Variants in UBTD2 observed in about 807,000 individuals in gnomAD.
UBTD2 encodes ubiquitin domain containing 2.
UBTD2 carries 9 observed loss-of-function variants against 19.8 expected under a neutral mutation model. The ratio of observed to expected loss-of-function variants is 0.46; its 90% CI spans 0.27 to 0.79. The LOEUF is 0.79. UBTD2 is among the 30% of genes least tolerant of loss of function. The probability of loss-of-function intolerance (pLI) is 0.14; values close to 1 mark genes in which losing one functional copy is unlikely to be tolerated. For missense variants in UBTD2, 250 were observed against 300.4 expected, an observed-to-expected ratio of 0.83 and a Z score of 1.24; for synonymous variants, 98 against 103.9, an observed-to-expected ratio of 0.94 and a Z score of 0.35.
chr5:172,245,374 G>T (rs1478439507), intron 1 of UBTD2, among the ~76,000 whole-genome samples: 1 of 152,176 alleles, frequency 6.6e-6, no homozygotes, highest in African/African-American at 2.4e-5. Flanking sequence ...TTCTGTGTTT[G>T]AACTGACCCA....
At chr5:172,222,324 C>T (rs1407686554) in intron 2 of UBTD2, among the ~76,000 whole-genome samples, 1 of 152,168 alleles carries the variant, frequency 6.6e-6, no homozygotes. Context: ...CACACAACCT[C>T]TTTAGGACCT....
chr5:172,242,266 A>G (rs1218917829), intron 1 of UBTD2: 5 of 487,556 alleles, frequency 1.0e-5, no homozygotes, highest in Non-Finnish European at 1.3e-5. Context: ...ATGGCAAGGC[A>G]AACAGTCAGA....
intron 1 of UBTD2, among the ~76,000 whole-genome samples, chr5:172,250,051 C>T (rs1272960660): frequency 1.3e-5 from 2 of 151,976 alleles, no homozygotes; most frequent in South Asian, 2.1e-4. Flanking sequence ...GGTGAAACCT[C>T]GTCTCTACTA....
At position 172,228,805 on chromosome 5, in the gene UBTD2, T is replaced by A. The variant is rs573312827; in HGVS notation, c.307+5317A>T. On this transcript the variant is annotated intron_variant, in intron 2 of 2. Transcript: ENST00000393792. ...TTGCTGATTCTCAGTCCAGTGTTCTTTTCATACGTTGGTTCCTTACACATA... is the reference window on the plus strand; with the variant it reads ...TTGCTGATTCTCAGTCCAGTGTTCTATTCATACGTTGGTTCCTTACACATA... 5.9e-5 allele frequency among the ~76,000 whole-genome samples: 9 copies of A among 152,270 alleles called. No homozygotes were observed. The South Asian group carries it at 1.0e-3, about 18-fold the overall frequency.
chr5:172,280,400 C>T, intron 1 of UBTD2, among the ~76,000 whole-genome samples: 1 of 150,872 alleles, frequency 6.6e-6, no homozygotes, highest in Non-Finnish European at 1.5e-5. Flanking sequence ...ATCCCAGCTA[C>T]TCTGGAGGCT....
At chr5:172,223,720 A>G (rs1771701556) in intron 2 of UBTD2, among the ~76,000 whole-genome samples, 1 of 151,424 alleles carries the variant, frequency 6.6e-6, no homozygotes, top group South Asian at 2.1e-4. Context: ...TATTATACCC[A>G]TTTTACAGAT....
intron 1 of UBTD2, among the ~76,000 whole-genome samples, chr5:172,243,033 A>C (rs1415666068): frequency 6.6e-6 from 1 of 151,576 alleles, no homozygotes; most frequent in Non-Finnish European, 1.5e-5. Flanking sequence ...TCACTACGTT[A>C]CCGAATCTGG....
intron 1 of UBTD2, among the ~76,000 whole-genome samples, chr5:172,251,085 C>T (rs566372606): frequency 2.0e-5 from 3 of 151,520 alleles, no homozygotes; most frequent in Non-Finnish European, 2.9e-5. Context: ...GAGGCCGAGG[C>T]GGGCGGATCA....
intron 1 of UBTD2, among the ~76,000 whole-genome samples, chr5:172,265,818 G>C (rs1755367633): frequency 6.6e-6 from 1 of 152,120 alleles, no homozygotes; most frequent in Non-Finnish European, 1.5e-5. Flanking sequence ...TATTCTGGGG[G>C]AAGACGGGAA....
Position 172,283,585 on chromosome 5 carries a change from C to T in UBTD2, c.70+11G>A. 7.7e-7 allele frequency: 1 copy of T among 1,303,670 alleles called. No homozygotes were observed. The allele number at this position is 1,303,670 out of a possible 1,614,324, so 80.8% of individuals were successfully genotyped here. On this transcript the variant is annotated intron_variant, in intron 1 of 2. Transcript: ENST00000393792. This position sits in a 1 kb window ranked among gnomAD's most constrained non-coding sequence, Gnocchi z 4.3. ...ATGGGGGGCCGAGGCTGCCCCCTGG[C>T]GCTCACCTACCTCCGGTGCCCTCCG...
intron 2 of UBTD2, among the ~76,000 whole-genome samples, chr5:172,215,789 C>G (rs144620559): frequency 2.6e-5 from 4 of 152,210 alleles, no homozygotes; most frequent in Admixed American, 1.3e-4. Context: ...ACCACTGTAA[C>G]AGAAATAAAG....
At chr5:172,231,362 T>A (rs1456557984) in intron 2 of UBTD2, among the ~76,000 whole-genome samples, 1 of 152,224 alleles carries the variant, frequency 6.6e-6, no homozygotes, top group African/African-American at 2.4e-5. Flanking sequence ...GATTATTCCA[T>A]GCTTAAGGAG....
intron 1 of UBTD2, among the ~76,000 whole-genome samples, chr5:172,246,764 T>TTC (rs1184817459): frequency 1.5e-4 from 19 of 128,832 alleles, no homozygotes; most frequent in African/African-American, 5.8e-4. Flanking sequence ...TTTTTTTTTT[T>TTC]TTTTTTTTTT....
At chr5:172,241,565 G>A (rs1772127854) in intron 1 of UBTD2, among the ~76,000 whole-genome samples, 1 of 151,974 alleles carries the variant, frequency 6.6e-6, no homozygotes, top group South Asian at 2.1e-4. Flanking sequence ...TATCAAACCT[G>A]TAATTAGATA....
At chr5:172,220,534 T>G (rs1055953148) in intron 2 of UBTD2, among the ~76,000 whole-genome samples, 1 of 151,974 alleles carries the variant, frequency 6.6e-6, no homozygotes, top group African/African-American at 2.4e-5. Context: ...ATTCGGGAAG[T>G]TGAGGCAGGA....
intron 1 of UBTD2, chr5:172,255,383 A>G: frequency 2.0e-6 from 1 of 493,062 alleles, no homozygotes; most frequent in South Asian, 1.6e-5. Flanking sequence ...TATGACACCG[A>G]GACAGGGTCC....
intron 1 of UBTD2, among the ~76,000 whole-genome samples, chr5:172,259,194 G>A (rs1452594694): frequency 6.6e-6 from 1 of 152,108 alleles, no homozygotes; most frequent in African/African-American, 2.4e-5. Context: ...CCAGGCTGGA[G>A]TGCAGTGGTG....
In UBTD2 at chr5:172,209,751, A is replaced by G. The variant is rs1771401246; in HGVS notation, c.*2079T>C. 1 of 152,548 alleles carries G rather than the reference A, an allele frequency of 6.6e-6. No homozygotes were observed. The highest frequency in any genetic ancestry group is 2.1e-4 in the South Asian group (1 of 4,822). The allele number at this position is 152,548 out of a possible 1,614,324, so 9.4% of individuals were successfully genotyped here. A position where few individuals can be genotyped will look rare whatever the true frequency, so the allele number is the denominator to read the frequency against. On this transcript the variant is annotated 3_prime_UTR_variant, in exon 3 of 3. Transcript: ENST00000393792. ...ATCTTATATCAATCTATTTACAATTAAACAGCACCATGGTTTTCCCACCTA... is the reference window on the plus strand; with the variant it reads ...ATCTTATATCAATCTATTTACAATTGAACAGCACCATGGTTTTCCCACCTA...
rs866437321 is a variant in UBTD2, at chr5:172,211,945, GA to G, written c.589del (p.Ser197LeufsTer9). ...VEPGSQRWFFSGRPLTDKMKF... is the reference protein window; with the variant it reads ...VEPGSQRWFFXGRPLTDKMKF... The stretch of plus-strand genomic sequence containing the variant: ...CATTTTGTCAGTGAGAGGTCTGCCA[GA>G]AAAAAACCACCGCTGACTACCTGGT... On this transcript the variant is annotated frameshift_variant, in exon 3 of 3. Coordinates refer to ENST00000393792, the MANE Select transcript of UBTD2 (RefSeq NM_152277.3). LOFTEE classifies it high-confidence loss of function. The G allele has an allele frequency of 6.2e-7, 1 of 1,614,110 alleles. No individual in the cohort carries two copies. Among genetic ancestry groups the G allele is most frequent in the Non-Finnish European group, 8.5e-7 (1 of 1,180,016 alleles).
Sources: gnomAD v4.1 joint callset for allele counts (sites outside exome capture counted in the v4.1 genomes callset) on GRCh38, gnomAD v4.1.1 for gene constraint, Gnocchi (gnomAD v3.1) non-coding constraint, MANE v1.5 for transcripts, NCBI Gene and HGNC (gene_info 2026-07-23, HGNC 2026-07-21) for gene names.